Variants in ZNF81 observed in about 807,000 individuals in gnomAD.
The protein encoded by ZNF81 is zinc finger protein 81.
In ZNF81, 5 loss-of-function variants were observed where a neutral mutation model predicts 32.3. The ratio of observed to expected loss-of-function variants is 0.15; its 90% CI spans 0.08 to 0.33. The LOEUF is 0.33. ZNF81 is among the 10% of genes least tolerant of loss of function. ZNF81 has a pLI of 1.00. For synonymous variants in ZNF81, 163 were observed against 166.8 expected (o/e 0.98, Z 0.17); for missense variants, 379 against 479.8 (o/e 0.79, Z 1.96).
chrX:47,837,342 G>A (rs1207494), intron 1 of ZNF81, among the ~76,000 whole-genome samples: 6,875 of 111,667 alleles, frequency 0.062, 498 homozygotes, highest in African/African-American at 0.21. Context: ...GGCCTAGTCC[G>A]TGGTGAATTT....
intron 4 of ZNF81, 80 bp downstream of exon 4, chrX:47,896,020 C>T: frequency 1.4e-6 from 1 of 731,172 alleles, no homozygotes; most frequent in African/African-American, 2.1e-5. Context: ...CTTTAAAATG[C>T]TGTTATTGCT....
rs1556891639 is a variant in ZNF81 at position 47,919,942 on chromosome X, C to T, written c.*3310C>T. ...GAGTCTAGGTCTGTTGTTGTCTTCT[C>T]TTGCTCTTTTGCATCTAATAATTTT... On this transcript the variant is annotated 3_prime_UTR_variant, in exon 5 of 5. Coordinates refer to ENST00000338637, the MANE Select transcript of ZNF81 (RefSeq NM_007137.5). The T allele has an allele frequency of 1.8e-5, 2 of 112,156 alleles. No individual in the cohort carries two copies. The highest frequency in any genetic ancestry group is 2.8e-4 in the East Asian group (1 of 3,590). 9.2% of individuals were successfully genotyped at this position (112,156 alleles called of 1,213,427 possible). A position where few individuals can be genotyped will look rare whatever the true frequency, so the allele number is the denominator to read the frequency against.
At chrX:47,906,451 A>G (rs1256271725) in intron 4 of ZNF81, among the ~76,000 whole-genome samples, 5 of 101,282 alleles carry the variant, frequency 4.9e-5, no homozygotes, top group African/African-American at 1.8e-4. Flanking sequence ...TGAAGTTGCA[A>G]ATGAAATTAT....
intron 2 of ZNF81, among the ~76,000 whole-genome samples, chrX:47,855,632 A>T (rs909559818): frequency 6.3e-5 from 7 of 111,206 alleles, no homozygotes; most frequent in Non-Finnish European, 1.3e-4. Flanking sequence ...TTTTGTACAC[A>T]ATTTATAATT....
intron 3 of ZNF81, among the ~76,000 whole-genome samples, chrX:47,891,543 C>G (rs1301897767): frequency 8.0e-5 from 9 of 112,219 alleles, no homozygotes; most frequent in Non-Finnish European, 1.5e-4. Context: ...CATAAGAGCC[C>G]TCATTCCACA....
At chrX:47,906,557 C>T (rs887871618) in intron 4 of ZNF81, among the ~76,000 whole-genome samples, 1 of 112,021 alleles carries the variant, frequency 8.9e-6, no homozygotes, top group South Asian at 3.7e-4. Flanking sequence ...TAATTAATGC[C>T]TGTAATCCCA....
intron 2 of ZNF81, among the ~76,000 whole-genome samples, chrX:47,855,493 C>T (rs1556881766): frequency 9.0e-6 from 1 of 111,318 alleles, no homozygotes; most frequent in Non-Finnish European, 1.9e-5. Context: ...TATCCTGTTC[C>T]ATTGAGCTAA....
At chrX:47,849,072 G>A (rs1556880852) in intron 2 of ZNF81, among the ~76,000 whole-genome samples, 2 of 112,238 alleles carry the variant, frequency 1.8e-5, no homozygotes, top group Non-Finnish European at 3.8e-5. Context: ...AAATATTTCA[G>A]TGAAATATAA....
rs1225455438 is a variant in ZNF81 at position 47,840,503 on chromosome X, CT to C, written c.-164+3533del. Among the ~76,000 whole-genome samples, 412 of 102,102 alleles carry C rather than the reference CT, an allele frequency of 4.0e-3. 3 individuals carry two copies. Among genetic ancestry groups the C allele is most frequent in the African/African-American group, 0.013 (356 of 28,361 alleles). 88.7% of individuals were successfully genotyped at this position (102,102 alleles called of 115,157 possible). A position where few individuals can be genotyped will look rare whatever the true frequency, so the allele number is the denominator to read the frequency against. Reference sequence around the variant, plus strand: ...TCTTTTCTTTCTTTCTTTTCTTTTTCTTTTTTTTTTTTTTTTTGAGACGGAG... The same window carrying C: ...TCTTTTCTTTCTTTCTTTTCTTTTTCTTTTTTTTTTTTTTTTGAGACGGAG... On this transcript the variant is annotated intron_variant, in intron 1 of 4. Coordinates refer to ENST00000338637, the MANE Select transcript of ZNF81 (RefSeq NM_007137.5).
At chrX:47,887,761 A>T (rs1423693459) in intron 2 of ZNF81, among the ~76,000 whole-genome samples, 1 of 112,006 alleles carries the variant, frequency 8.9e-6, no homozygotes, top group Non-Finnish European at 1.9e-5. Context: ...CTTACTAAAA[A>T]TTATAATTTT....
At chrX:47,855,454 C>T (rs1403381669) in intron 2 of ZNF81, among the ~76,000 whole-genome samples, 1 of 110,905 alleles carries the variant, frequency 9.0e-6, no homozygotes, top group African/African-American at 3.3e-5. Context: ...AGATATAACT[C>T]TGAGTATATT....
intron 4 of ZNF81, among the ~76,000 whole-genome samples, chrX:47,914,404 C>T (rs1556890291): frequency 8.9e-6 from 1 of 112,080 alleles, no homozygotes; most frequent in Non-Finnish European, 1.9e-5. Flanking sequence ...TGAAAAATGG[C>T]TATCACCTAC....
chrX:47,863,029 G>C (rs1556882792), intron 2 of ZNF81, among the ~76,000 whole-genome samples: 1 of 111,906 alleles, frequency 8.9e-6, no homozygotes, highest in Non-Finnish European at 1.9e-5. Context: ...CAAAAGGAGA[G>C]TGGTCTGTGT....
At chrX:47,911,595 T>A (rs146515473) in intron 4 of ZNF81, among the ~76,000 whole-genome samples, 1 of 111,630 alleles carries the variant, frequency 9.0e-6, no homozygotes, top group East Asian at 2.8e-4. Context: ...TTTTGCTGTG[T>A]TTTAGAGGGA....
chrX:47,909,502 TTTTGTTTGTTTG>T, intron 4 of ZNF81, among the ~76,000 whole-genome samples: 1 of 111,348 alleles, frequency 9.0e-6, no homozygotes, highest in Non-Finnish European at 1.9e-5. Context: ...ACTTAAGGTT[TTTTGTTTGTTTG>T]TTTGTTTGTT....
chrX:47,887,886 G>A, intron 2 of ZNF81, 113 bp from the exon 3 acceptor site: 1 of 872,406 alleles, frequency 1.1e-6, no homozygotes, highest in Non-Finnish European at 1.7e-6. Flanking sequence ...TATTTAATGG[G>A]CATACCATAT....
In ZNF81 at chrX:47,903,072, AG is replaced by A. The variant is rs1261865404; in HGVS notation, c.277+7133del. Among the ~76,000 whole-genome samples the A allele has an allele frequency of 3.6e-5, 4 of 110,850 alleles. No individual in the cohort carries two copies. The Admixed American group carries it at 3.8e-4, about 11-fold the overall frequency. On this transcript the variant is annotated intron_variant, in intron 4 of 4. Transcript: ENST00000338637. ...ATGGGACGTATCTCAAAATAATAAG[AG>A]CTATCTATGACAAACCCACAGCCAA...
Position 47,924,536 on chromosome X carries a change from A to C in ZNF81, c.*7904A>C, listed in dbSNP as rs1471361707. On this transcript the variant is annotated 3_prime_UTR_variant, in exon 5 of 5. Coordinates refer to ENST00000338637, the MANE Select transcript of ZNF81 (RefSeq NM_007137.5). Reference sequence around the variant, plus strand: ...CTTCTCTTCTTCAGGGACATCAATTATGCATATGTAAGATGTCTTTGTCAC... The same window carrying C: ...CTTCTCTTCTTCAGGGACATCAATTCTGCATATGTAAGATGTCTTTGTCAC... 8.9e-6 allele frequency among the ~76,000 whole-genome samples: 1 copy of C among 111,973 alleles called. No individual in the cohort carries two copies. The highest frequency in any genetic ancestry group is 9.5e-5 in the Admixed American group (1 of 10,570).
intron 2 of ZNF81, among the ~76,000 whole-genome samples, chrX:47,864,110 A>G (rs1329914431): frequency 8.0e-5 from 9 of 112,018 alleles, no homozygotes; most frequent in African/African-American, 2.9e-4. Context: ...TTCTGGGGTC[A>G]GGCATATTCA....
Sources: gnomAD v4.1 joint callset for allele counts (sites outside exome capture counted in the v4.1 genomes callset) on GRCh38, gnomAD v4.1.1 for gene constraint, MANE v1.5 for transcripts, NCBI Gene and HGNC (gene_info 2026-07-23, HGNC 2026-07-21) for gene names.